Variants in KDSR observed in about 807,000 individuals in gnomAD.
KDSR encodes the protein 3-ketodihydrosphingosine reductase, also known as 3-dehydrosphinganine reductase.
KDSR carries 23 observed loss-of-function variants against 41.3 expected under a neutral mutation model. The ratio of observed to expected loss-of-function variants is 0.56; its 90% CI spans 0.40 to 0.79. The LOEUF is 0.79. Ranked by LOEUF, KDSR falls within the 30% of genes least tolerant of loss-of-function variation. The pLI, the probability that KDSR is intolerant of heterozygous loss-of-function variation, is 0.00. For missense variants in KDSR, 351 were observed against 416.8 expected, an observed-to-expected ratio of 0.84 and a Z score of 1.37; for synonymous variants, 138 against 151.7, an observed-to-expected ratio of 0.91 and a Z score of 0.66.
At chr18:63,337,092 C>CATA (rs1491226334) in intron 8 of KDSR, among the ~76,000 whole-genome samples, 1 of 28,430 alleles carries the variant, frequency 3.5e-5, no homozygotes, top group Non-Finnish European at 1.1e-4. Context: ...ATATATGTGA[C>CATA]TTTATATATA....
At chr18:63,365,355 A>G (rs563910960) in intron 1 of KDSR, among the ~76,000 whole-genome samples, 1 of 152,370 alleles carries the variant, frequency 6.6e-6, no homozygotes, top group South Asian at 2.1e-4. Context: ...TCCCTCTCCC[A>G]ACAATACCAC....
chr18:63,343,279 C>T (rs1399178456), intron 7 of KDSR, among the ~76,000 whole-genome samples: 1 of 151,122 alleles, frequency 6.6e-6, no homozygotes, highest in Non-Finnish European at 1.5e-5. Flanking sequence ...AGGCTGGTCT[C>T]GAACTCCTGG....
At position 63,329,371 on chromosome 18, in the gene KDSR, A is replaced by G. The variant is rs1049090211; in HGVS notation, c.*2411T>C. ...TTTCTTCAGGGAAAATTAAGTCACA[A>G]TGAAGTAGCATAAATATAAAGTACA... is the stretch of plus-strand genomic sequence containing the variant. On this transcript the variant is annotated 3_prime_UTR_variant, in exon 10 of 10. Transcript: ENST00000645214. 1 of 208,648 alleles carries G rather than the reference A, an allele frequency of 4.8e-6. No homozygotes were observed. The highest frequency in any genetic ancestry group is 1.9e-4 in the South Asian group (1 of 5,326). 12.9% of individuals were successfully genotyped at this position (208,648 alleles called of 1,614,324 possible).
rs567294982 is a variant in KDSR, at chr18:63,350,947, T to C, written c.550A>G (p.Thr184Ala). The change falls in exon 6 of 10, where the codon ACA becomes GCA. Residue 184 changes from threonine (T) to alanine (A), a missense_variant. Physicochemically the swap from Thr to Ala is moderately conservative, Grantham distance 58. Transcript: ENST00000645214. ...QAGQLGLFGFTAYSASKFAIR... is the reference protein window; with the variant it reads ...QAGQLGLFGFAAYSASKFAIR... ...GCAAACTTGGATGCAGAGTAGGCTG[T>C]GAAACCGAATAATCCCAACTGTCCT... The C allele has an allele frequency of 9.3e-6, 15 of 1,614,224 alleles. No individual in the cohort carries two copies. In the East Asian group the frequency reaches 3.1e-4, roughly 34 times the overall value.
chr18:63,355,660 G>A, intron 3 of KDSR, 97 bp from the exon 4 acceptor site: 1 of 1,400,186 alleles, frequency 7.1e-7, no homozygotes, highest in Non-Finnish European at 9.3e-7. Flanking sequence ...GAATACAGAA[G>A]GAAGCCAATA....
At chr18:63,352,879 G>A (rs1216067571) in intron 5 of KDSR, among the ~76,000 whole-genome samples, 1 of 151,684 alleles carries the variant, frequency 6.6e-6, no homozygotes, top group Non-Finnish European at 1.5e-5. Flanking sequence ...AATAAAAAAT[G>A]TTCTAAGCCG....
chr18:63,361,978 T>A lies in KDSR; in HGVS notation c.198+801A>T, dbSNP rs867764350. ...ACCATACTATCACCCTCCTTGCACA[T>A]GGGTGAATCCAAGATCCCCATGGAA... On this transcript the variant is annotated intron_variant, in intron 2 of 9. Transcript: ENST00000645214. Among the ~76,000 whole-genome samples, 3 of 152,306 alleles carry A rather than the reference T, an allele frequency of 2.0e-5. No individual in the cohort carries two copies. The South Asian group carries it at 6.2e-4, about 32-fold the overall frequency.
In KDSR at chr18:63,329,738, T is replaced by G. The variant is rs1193386800; in HGVS notation, c.*2044A>C. ...ATATATTGAAATAACTATTTAATGT[T>G]ATTAAATCAGACACTTTCTTGGACT... On this transcript the variant is annotated 3_prime_UTR_variant, in exon 10 of 10. Coordinates refer to ENST00000645214, the MANE Select transcript of KDSR (RefSeq NM_002035.4). The G allele has an allele frequency of 1.5e-5, 3 of 193,632 alleles. No individual in the cohort carries two copies. Among genetic ancestry groups the G allele is most frequent in the Non-Finnish European group, 3.2e-5 (3 of 92,962 alleles). 12.0% of individuals were successfully genotyped at this position (193,632 alleles called of 1,614,324 possible).
chr18:63,327,736 TGTAA>T lies in KDSR; in HGVS notation c.*4042_*4045del, dbSNP rs1913846208. The T allele has an allele frequency of 5.5e-6, 1 of 181,036 alleles. No individual in the cohort carries two copies. Among genetic ancestry groups the T allele is most frequent in the African/African-American group, 2.4e-5 (1 of 42,456 alleles). 11.2% of individuals were successfully genotyped at this position (181,036 alleles called of 1,614,324 possible). A position where few individuals can be genotyped will look rare whatever the true frequency, so the allele number is the denominator to read the frequency against. Reference sequence around the variant, plus strand: ...TTCTAGATAAATAAGTTTGCAAATCTGTAAGTCTTGTTCCCCATTTATTTTTTTG... The same window carrying T: ...TTCTAGATAAATAAGTTTGCAAATCTGTCTTGTTCCCCATTTATTTTTTTG... On this transcript the variant is annotated 3_prime_UTR_variant, in exon 10 of 10. Coordinates refer to ENST00000645214, the MANE Select transcript of KDSR (RefSeq NM_002035.4).
At chr18:63,363,214 T>A (rs1264921319) in intron 1 of KDSR, among the ~76,000 whole-genome samples, 1 of 126,744 alleles carries the variant, frequency 7.9e-6, no homozygotes. Context: ...TTTCTTTTTT[T>A]TTTTCTTTTT....
intron 3 of KDSR, among the ~76,000 whole-genome samples, chr18:63,357,898 C>G (rs1914847194): frequency 6.6e-6 from 1 of 152,042 alleles, no homozygotes; most frequent in African/African-American, 2.4e-5. Context: ...ATTGAGTGGT[C>G]TGGGAATGGT....
chr18:63,344,796 C>G, intron 6 of KDSR: 1 of 266,944 alleles, frequency 3.7e-6, no homozygotes, highest in South Asian at 8.7e-5. Context: ...AGCCGTCCGA[C>G]GAGGGCAGTG....
intron 6 of KDSR, among the ~76,000 whole-genome samples, chr18:63,350,429 G>A (rs948774136): frequency 1.3e-5 from 2 of 152,142 alleles, no homozygotes; most frequent in Admixed American, 1.3e-4. Flanking sequence ...TACAGATGAG[G>A]AAACTGAGAG....
intron 3 of KDSR, among the ~76,000 whole-genome samples, chr18:63,356,281 C>T (rs1914790473): frequency 6.6e-6 from 1 of 151,972 alleles, no homozygotes. Flanking sequence ...CACTTATAAT[C>T]CCAGCTACTC....
chr18:63,344,864 G>A, intron 6 of KDSR: 1 of 170,618 alleles, frequency 5.9e-6, no homozygotes, highest in Non-Finnish European at 1.2e-5. Context: ...CTTTATCAAG[G>A]CAATGGGACC....
At chr18:63,344,716 G>C in intron 6 of KDSR, 1 of 442,554 alleles carries the variant, frequency 2.3e-6, no homozygotes, top group Non-Finnish European at 4.1e-6. Context: ...AAAACAGCTG[G>C]CCCTAAAGTA....
At chr18:63,342,613 G>C (rs1221122669) in intron 7 of KDSR, among the ~76,000 whole-genome samples, 1 of 152,228 alleles carries the variant, frequency 6.6e-6, no homozygotes, top group Non-Finnish European at 1.5e-5. Context: ...AATGGTCCAA[G>C]TGTGCATAAT....
rs973748949 is a variant in KDSR at position 63,331,669 on chromosome 18, T to C, written c.*113A>G. 4.1e-6 allele frequency: 4 copies of C among 982,870 alleles called. No individual in the cohort carries two copies. In the African/African-American group the frequency reaches 6.5e-5, roughly 16 times the overall value. The allele number at this position is 982,870 out of a possible 1,614,324, so 60.9% of individuals were successfully genotyped here. A position where few individuals can be genotyped will look rare whatever the true frequency, so the allele number is the denominator to read the frequency against. On this transcript the variant is annotated 3_prime_UTR_variant, in exon 10 of 10. Transcript: ENST00000645214. ...ACATTCCTGAAGAGCACTGGTCCAATCTGACGTATTCGAAAACAATACATA... is the reference window on the plus strand; with the variant it reads ...ACATTCCTGAAGAGCACTGGTCCAACCTGACGTATTCGAAAACAATACATA...
intron 8 of KDSR, among the ~76,000 whole-genome samples, chr18:63,338,416 C>T (rs181341791): frequency 6.6e-6 from 1 of 152,256 alleles, no homozygotes; most frequent in East Asian, 1.9e-4. Context: ...GGCACTTTCT[C>T]GTTAGCTAAC....
Sources: gnomAD v4.1 joint callset for allele counts (sites outside exome capture counted in the v4.1 genomes callset) on GRCh38, gnomAD v4.1.1 for gene constraint, MANE v1.5 for transcripts, NCBI Gene and HGNC (gene_info 2026-07-23, HGNC 2026-07-21) for gene names.